The following CNOT2 variants were observed in gnomAD, a reference collection of about 807,000 sequenced individuals.
CNOT2 encodes the protein CC chemokine receptor 4-negative regulator of transcription 2.
CNOT2 carries 7 observed loss-of-function variants against 72.1 expected under a neutral mutation model. The observed-to-expected ratio is 0.10, with a 90% CI of 0.06 to 0.18. The LOEUF (loss-of-function observed/expected upper bound fraction) is 0.18. Among genes scored for constraint, CNOT2 ranks in the 10% least tolerant of loss-of-function variants. The pLI is 1.00. For missense variants in CNOT2, 345 were observed against 660.3 expected (o/e 0.52, Z 5.23); for synonymous variants, 196 against 225.6 (o/e 0.87, Z 1.17).
chr12:70,294,255 C>G (rs773741275), intron 2 of CNOT2: 3 of 1,289,348 alleles, frequency 2.3e-6, no homozygotes, highest in South Asian at 2.5e-5. Context: ...TCTGAGCTTT[C>G]CAATCCCCAG....
intron 1 of CNOT2, among the ~76,000 whole-genome samples, chr12:70,277,102 G>A (rs1868959614): frequency 6.6e-6 from 1 of 151,964 alleles, no homozygotes; most frequent in South Asian, 2.1e-4. Flanking sequence ...CTCACAAAAT[G>A]TTTGTTGATA....
intron 2 of CNOT2, chr12:70,307,979 A>G (rs1425404873): frequency 6.6e-6 from 1 of 152,032 alleles, no homozygotes; most frequent in Non-Finnish European, 1.5e-5. Context: ...ACAAAGAATA[A>G]AATCCAAAGT....
At chr12:70,332,996 C>T in intron 7 of CNOT2, 150 bp downstream of exon 7, 1 of 1,249,848 alleles carries the variant, frequency 8.0e-7, no homozygotes, top group Non-Finnish European at 1.0e-6. Context: ...GAATAGGATT[C>T]AATACAGTGA....
At chr12:70,295,152 C>T (rs1872611990) in intron 2 of CNOT2, among the ~76,000 whole-genome samples, 1 of 152,144 alleles carries the variant, frequency 6.6e-6, no homozygotes, top group Non-Finnish European at 1.5e-5. Flanking sequence ...CCATATAATT[C>T]ATGTTCATTG....
chr12:70,315,191 A>G (rs1214324801), intron 3 of CNOT2, among the ~76,000 whole-genome samples: 1 of 151,668 alleles, frequency 6.6e-6, no homozygotes, highest in African/African-American at 2.4e-5. Context: ...TTACCTTCTC[A>G]TAGTTTTCTT....
At chr12:70,305,623 T>C (rs1487884202) in intron 2 of CNOT2, among the ~76,000 whole-genome samples, 2 of 152,210 alleles carry the variant, frequency 1.3e-5, no homozygotes, top group East Asian at 1.9e-4. Flanking sequence ...TTTCAGAGAT[T>C]ACCATGAACA....
intron 3 of CNOT2, among the ~76,000 whole-genome samples, chr12:70,313,748 T>G (rs923152269): frequency 1.8e-4 from 27 of 152,136 alleles, no homozygotes; most frequent in African/African-American, 6.5e-4. Flanking sequence ...ATGTAAAAAC[T>G]TTCTTAGTTC....
intron 2 of CNOT2, among the ~76,000 whole-genome samples, chr12:70,283,513 T>C (rs1034670975): frequency 1.1e-5 from 1 of 92,844 alleles, no homozygotes. Context: ...AGATAGAATT[T>C]TATTAAATTA....
chr12:70,245,276 A>G (rs1957827649), intron 1 of CNOT2, among the ~76,000 whole-genome samples: 1 of 152,324 alleles, frequency 6.6e-6, no homozygotes, highest in African/African-American at 2.4e-5. Context: ...TAAAGACAAA[A>G]CATGTTCCAC....
At chr12:70,267,214 A>C (rs1258060260) in intron 1 of CNOT2, among the ~76,000 whole-genome samples, 1 of 152,096 alleles carries the variant, frequency 6.6e-6, no homozygotes, top group Non-Finnish European at 1.5e-5. Flanking sequence ...TTATTCTTTC[A>C]TGGTTCTGGA....
At position 70,311,001 on chromosome 12, in the gene CNOT2, A is replaced by G; in HGVS notation, c.155A>G (p.His52Arg). 1.2e-6 allele frequency: 2 copies of G among 1,600,388 alleles called. No homozygotes were observed. Among genetic ancestry groups the G allele is most frequent in the East Asian group, 2.2e-5 (1 of 44,782 alleles). The stretch of plus-strand genomic sequence containing the variant: ...TACAGCCAGTCTTCTATGTTTCCAC[A>G]TCGGTCAGAAAAAGATGTAAGTTAA... ...MYYSQSSMFP[H>R]RSEKDMLASP... Residue 52 changes from histidine (H) to arginine (R), a missense_variant, in exon 3 of 16, where the codon CAT becomes CGT. His to Arg is a conservative substitution (Grantham distance 29). Around this residue, in one of 4 missense-constraint regions of CNOT2, gnomAD observed 157 missense variants for 235.3 expected, o/e 0.67. Coordinates refer to ENST00000229195, the MANE Select transcript of CNOT2 (RefSeq NM_014515.7).
At chr12:70,346,039 T>A (rs1363632094) in intron 14 of CNOT2, 141 bp from the exon 15 acceptor site, 4 of 578,220 alleles carry the variant, frequency 6.9e-6, no homozygotes, top group East Asian at 2.9e-5. Context: ...TAATAACTTA[T>A]AATAAATGAG....
At chr12:70,266,331 C>G (rs112838339) in intron 1 of CNOT2, among the ~76,000 whole-genome samples, 30 of 152,264 alleles carry the variant, frequency 2.0e-4, no homozygotes, top group African/African-American at 7.2e-4. Flanking sequence ...CCATGTTGGT[C>G]AGACTTGCCT....
chr12:70,275,402 A>T (rs537479207), intron 1 of CNOT2, among the ~76,000 whole-genome samples: 38 of 152,134 alleles, frequency 2.5e-4, no homozygotes, highest in African/African-American at 8.9e-4. Context: ...GTGCTCATCA[A>T]ATATATTTAA....
intron 2 of CNOT2, among the ~76,000 whole-genome samples, chr12:70,280,134 A>C (rs1188068484): frequency 3.9e-5 from 6 of 152,182 alleles, no homozygotes; most frequent in Non-Finnish European, 1.5e-5. Context: ...TAGTCTAAGA[A>C]TTTTTATATT....
At chr12:70,303,307 A>G (rs1238589598) in intron 2 of CNOT2, among the ~76,000 whole-genome samples, 5 of 152,178 alleles carry the variant, frequency 3.3e-5, no homozygotes, top group African/African-American at 1.2e-4. Context: ...GTTTCTTCCT[A>G]GCCTTGATGG....
At chr12:70,336,039 G>A (rs573033915) in intron 8 of CNOT2, 1 of 154,406 alleles carries the variant, frequency 6.5e-6, no homozygotes, top group East Asian at 1.9e-4. Flanking sequence ...AGGAGATGTG[G>A]GGGGCTATTG....
chr12:70,301,687 T>C (rs529713617), intron 2 of CNOT2: 5 of 152,316 alleles, frequency 3.3e-5, no homozygotes, highest in Non-Finnish European at 7.3e-5. Context: ...AATTCTTTTT[T>C]TGTTGTGTCT....
At chr12:70,294,473 TAATTC>T (rs1872507089) in intron 2 of CNOT2, among the ~76,000 whole-genome samples, 1 of 152,204 alleles carries the variant, frequency 6.6e-6, no homozygotes, top group Non-Finnish European at 1.5e-5. Context: ...GAAATAATTT[TAATTC>T]TTGTTAGATG....
Sources: gnomAD v4.1 joint callset for allele counts (sites outside exome capture counted in the v4.1 genomes callset) on GRCh38, gnomAD v4.1.1 for gene constraint, gnomAD v4.1.1 regional missense constraint, MANE v1.5 for transcripts, NCBI Gene and HGNC (gene_info 2026-07-23, HGNC 2026-07-21) for gene names.